CUX1: variants seen among roughly 807,000 people sequenced by gnomAD.
CUX1 encodes the protein cut like homeobox 1.
Under a neutral mutation model 158.8 loss-of-function variants are expected in CUX1, and 31 were observed. The ratio of observed to expected loss-of-function variants is 0.20; its 90% CI spans 0.15 to 0.26. The LOEUF is 0.26. Ranked by LOEUF, CUX1 falls within the 10% of genes least tolerant of loss-of-function variation. The probability of loss-of-function intolerance (pLI) is 1.00; values close to 1 mark genes in which losing one functional copy is unlikely to be tolerated. For missense variants in CUX1, 1,589 were observed against 2,014.6 expected (o/e 0.79, Z 4.04); for synonymous variants, 879 against 862.1 (o/e 1.02, Z -0.34).
chr7:102,219,332 C>G (rs1178399093), intron 20 of CUX1, among the ~76,000 whole-genome samples: 1 of 152,144 alleles, frequency 6.6e-6, no homozygotes, highest in African/African-American at 2.4e-5. Context: ...CCCATCCCCT[C>G]TAGTTCCTCT....
At chr7:102,264,397 C>T (rs1211446779) in intron 14 of CUX1, among the ~76,000 whole-genome samples, 1 of 152,178 alleles carries the variant, frequency 6.6e-6, no homozygotes, top group Non-Finnish European at 1.5e-5. Flanking sequence ...TGAGAACTGC[C>T]AGTTCAAAGG....
intron 2 of CUX1, chr7:101,932,324 C>T (rs1806383104): frequency 3.8e-6 from 1 of 262,532 alleles, no homozygotes; most frequent in Non-Finnish European, 7.7e-6. Flanking sequence ...TCCCTGGGGT[C>T]AGGTGTGTTC....
At chr7:101,925,721 C>T (rs563208603) in intron 2 of CUX1, among the ~76,000 whole-genome samples, 1 of 152,222 alleles carries the variant, frequency 6.6e-6, no homozygotes, top group East Asian at 1.9e-4. Flanking sequence ...TGCTTTTGCT[C>T]AGGAGTTGGA....
At chr7:101,933,031 T>C (rs576002235) in intron 2 of CUX1, among the ~76,000 whole-genome samples, 1 of 152,354 alleles carries the variant, frequency 6.6e-6, no homozygotes, top group African/African-American at 2.4e-5. Flanking sequence ...GTGTGGGAAA[T>C]GAATTCGTTG....
chr7:102,167,800 T>G (rs782246739), intron 9 of CUX1, among the ~76,000 whole-genome samples: 1 of 152,006 alleles, frequency 6.6e-6, no homozygotes, highest in Non-Finnish European at 1.5e-5. Context: ...GTTGATTAGG[T>G]CGGATGCAGT....
chr7:102,188,114 A>C (rs1554515810), intron 11 of CUX1, among the ~76,000 whole-genome samples: 1 of 152,116 alleles, frequency 6.6e-6, no homozygotes, highest in South Asian at 2.1e-4. Flanking sequence ...CAGGAGGATC[A>C]CTTGAGCCCA....
intron 3 of CUX1, among the ~76,000 whole-genome samples, chr7:102,030,774 C>T (rs1820700546): frequency 6.9e-6 from 1 of 145,188 alleles, no homozygotes; most frequent in South Asian, 2.2e-4. Flanking sequence ...CAGCCTCCAC[C>T]TCCTGGGCTC....
rs577375600 is a variant in CUX1, at chr7:102,180,924, T to G, written c.1017+2267T>G. 1.4e-3 allele frequency among the ~76,000 whole-genome samples: 194 copies of G among 142,010 alleles called. 1 individual carries two copies. Among genetic ancestry groups the G allele is most frequent in the African/African-American group, 3.8e-3 (132 of 34,666 alleles). The allele number at this position is 142,010 out of a possible 152,430, so 93.2% of individuals were successfully genotyped here. A position where few individuals can be genotyped will look rare whatever the true frequency, so the allele number is the denominator to read the frequency against. ...TTATTTTATTTTATTTTATTGTATTTTATTTTATTTTATTTTATTTTATTT... is the reference window on the plus strand; with the variant it reads ...TTATTTTATTTTATTTTATTGTATTGTATTTTATTTTATTTTATTTTATTT... On this transcript the variant is annotated intron_variant, in intron 11 of 23. Coordinates refer to ENST00000292535, the MANE Select transcript of CUX1 (RefSeq NM_181552.4).
At chr7:102,086,833 AC>A (rs539198670) in intron 4 of CUX1, among the ~76,000 whole-genome samples, 16 of 152,250 alleles carry the variant, frequency 1.1e-4, no homozygotes, top group African/African-American at 3.1e-4. Flanking sequence ...GGGCAAATAT[AC>A]CTTTAAGATT....
intron 1 of CUX1, among the ~76,000 whole-genome samples, chr7:101,830,728 A>C (rs187650634): frequency 4.2e-4 from 64 of 152,236 alleles, no homozygotes; most frequent in Admixed American, 1.9e-3. Flanking sequence ...AAGTGCCGGG[A>C]TTATATAAGC....
At chr7:102,265,302 G>C (rs1790722522) in intron 14 of CUX1, among the ~76,000 whole-genome samples, 1 of 150,194 alleles carries the variant, frequency 6.7e-6, no homozygotes, top group African/African-American at 2.5e-5. Context: ...GTTGCAGTGA[G>C]CCGAGATTAC....
At chr7:102,124,921 A>G (rs1357229230) in intron 8 of CUX1, among the ~76,000 whole-genome samples, 1 of 151,934 alleles carries the variant, frequency 6.6e-6, no homozygotes, top group African/African-American at 2.4e-5. Context: ...ATCTGGGAGT[A>G]CAGGCACAGG....
intron 8 of CUX1, among the ~76,000 whole-genome samples, chr7:102,126,177 C>G (rs1195687081): frequency 2.2e-5 from 3 of 135,466 alleles, no homozygotes; most frequent in African/African-American, 8.5e-5. Flanking sequence ...CCATTTCCGG[C>G]TGTGTGTGTG....
chr7:102,274,306 C>G (rs1791439981), exon 16 of CUX1: 1 of 1,613,310 alleles, frequency 6.2e-7, no homozygotes, highest in Non-Finnish European at 8.5e-7. Context: ...CTGCCCTATT[C>G]TACGGTAAGG....
At chr7:101,971,886 A>C (rs1811999062) in intron 2 of CUX1, among the ~76,000 whole-genome samples, 1 of 152,200 alleles carries the variant, frequency 6.6e-6, no homozygotes. Context: ...CATTTTTAGG[A>C]GTGGATACAC....
At chr7:102,190,173 G>C (rs1794124562) in intron 12 of CUX1, among the ~76,000 whole-genome samples, 1 of 152,214 alleles carries the variant, frequency 6.6e-6, no homozygotes, top group African/African-American at 2.4e-5. Flanking sequence ...ATATGACCTT[G>C]TTTTGCAACT....
chr7:102,016,544 C>G (rs1585285918), intron 2 of CUX1, among the ~76,000 whole-genome samples: 1 of 152,314 alleles, frequency 6.6e-6, no homozygotes, highest in South Asian at 2.1e-4. Flanking sequence ...TAATGATACT[C>G]CAGATTACAC....
At chr7:102,123,971 A>C (rs1832342836) in intron 8 of CUX1, among the ~76,000 whole-genome samples, 1 of 152,130 alleles carries the variant, frequency 6.6e-6, no homozygotes, top group Non-Finnish European at 1.5e-5. Flanking sequence ...CCAATAAAGC[A>C]ATCATATTCA....
intron 14 of CUX1, among the ~76,000 whole-genome samples, chr7:102,270,150 A>G (rs1364165239): frequency 1.3e-5 from 2 of 152,226 alleles, no homozygotes; most frequent in Non-Finnish European, 2.9e-5. Context: ...CAGGGCCAGA[A>G]TGCAAGCCCG....
Sources: allele counts gnomAD v4.1 joint callset (sites outside exome capture counted in the v4.1 genomes callset), GRCh38; gene constraint gnomAD v4.1.1; transcripts MANE v1.5; gene names NCBI Gene and HGNC (gene_info 2026-07-23, HGNC 2026-07-21).